LENG8: variants seen among roughly 807,000 people sequenced by gnomAD.
The protein encoded by LENG8 is leukocyte receptor cluster member 8, also known as leukocyte receptor cluster (LRC) member 8.
LENG8 carries 28 observed loss-of-function variants against 102.1 expected under a neutral mutation model. That is an observed-to-expected ratio of 0.27 (90% CI 0.20 to 0.38). LENG8 has a LOEUF of 0.38. Ranked by LOEUF, LENG8 falls within the 10% of genes least tolerant of loss-of-function variation. The pLI is 1.00. For synonymous variants in LENG8, 531 were observed against 456.7 expected (o/e 1.16, Z -2.07); for missense variants, 1,022 against 1,113.9 (o/e 0.92, Z 1.17).
In LENG8 at chr19:54,452,737, C is replaced by G; in HGVS notation, c.300C>G (p.Ser100Arg). ...YQQYNYAYPY[S>R]YYYPMSMYQS... ...AGTACAACTATGCCTACCCCTACAG[C>G]TACTACTATCCCATGGTGAGTGCCC... Residue 100 changes from serine to arginine, a missense_variant, in exon 4 of 16, where the codon AGC becomes AGG. This residue lies in a region of LENG8 where 343 missense variants were observed against 320.2 expected (regional missense o/e 1.07). Transcript: ENST00000326764. The G allele has an allele frequency of 6.2e-7, 1 of 1,612,526 alleles. No individual in the cohort carries two copies. Among genetic ancestry groups the G allele is most frequent in the Non-Finnish European group, 8.5e-7 (1 of 1,178,516 alleles).
chr19:54,453,790 G>C, intron 5 of LENG8, 134 bp downstream of exon 5: 1 of 653,448 alleles, frequency 1.5e-6, no homozygotes, highest in Non-Finnish European at 2.7e-6. Flanking sequence ...ATCTGAAAAT[G>C]AGGAGGACAG....
chr19:54,457,888 C>T (rs769584657), intron 12 of LENG8, 40 bp downstream of exon 12: 2 of 1,613,510 alleles, frequency 1.2e-6, no homozygotes, highest in Admixed American at 1.7e-5. Context: ...TCAGCCAGTC[C>T]TGCCTCCCGC....
chr19:54,459,116 T>C (rs1422749472), intron 15 of LENG8: 5 of 1,363,092 alleles, frequency 3.7e-6, no homozygotes, highest in Non-Finnish European at 4.7e-6. Flanking sequence ...GTTGCTTGAC[T>C]CATGTTTAGA....
Position 54,459,446 on chromosome 19 carries a change from G to T in LENG8, c.2240+925G>T, listed in dbSNP as rs181577097. 2.9e-4 allele frequency: 284 copies of T among 987,790 alleles called. 6 individuals are homozygous for T. The African/African-American group carries it at 4.7e-3, about 16-fold the overall frequency. The allele number at this position is 987,790 out of a possible 1,614,324, so 61.2% of individuals were successfully genotyped here. On this transcript the variant is annotated intron_variant, in intron 15 of 15. Coordinates refer to ENST00000326764, the MANE Select transcript of LENG8 (RefSeq NM_052925.4). ...GTGAGGTCATGGTCACAGCATGGGG[G>T]CCTTGAGTGCCTGGCCAGGTGGCCC...
intron 15 of LENG8, chr19:54,458,855 C>CCTG: frequency 6.4e-7 from 1 of 1,550,632 alleles, no homozygotes; most frequent in Non-Finnish European, 8.7e-7. Context: ...TGGGCTTCCT[C>CCTG]AGAACCCTGA....
intron 1 of LENG8, among the ~76,000 whole-genome samples, 176 bp from the exon 2 acceptor site, chr19:54,451,114 A>C (rs950210153): frequency 5.3e-5 from 8 of 150,990 alleles, no homozygotes; most frequent in African/African-American, 1.7e-4. Flanking sequence ...GCTTCCCCTC[A>C]CTCCAGCCTT....
chr19:54,455,066 CA>C lies in LENG8; in HGVS notation c.797del (p.Asn266ThrfsTer28), dbSNP rs2084156174. On this transcript the variant is annotated frameshift_variant, in exon 7 of 16. Transcript: ENST00000326764. LOFTEE classifies it high-confidence loss of function. ...AGCACAGTGGTTTTGGCCCCCAGCC[CA>C]ACCCTGAGAAAGTTCAGAACCACAG... is the stretch of plus-strand genomic sequence containing the variant. ...GQHSGFGPQPNPEKVQNHSGS... is the reference protein window; with the variant it reads ...GQHSGFGPQPXPEKVQNHSGS... 1 of 1,614,112 alleles carries C rather than the reference CA, an allele frequency of 6.2e-7. No homozygotes were observed. Among genetic ancestry groups the C allele is most frequent in the South Asian group, 1.1e-5 (1 of 91,092 alleles).
chr19:54,458,026 C>A, intron 13 of LENG8, 24 bp downstream of exon 13: 2 of 1,613,084 alleles, frequency 1.2e-6, no homozygotes, highest in Non-Finnish European at 1.7e-6. Flanking sequence ...TGCGGGCCTC[C>A]CCAGCCCCTT....
chr19:54,458,165 G>A lies in LENG8; in HGVS notation c.1965G>A (p.Leu655=). 6.2e-7 allele frequency: 1 copy of A among 1,614,200 alleles called. No homozygotes were observed. The highest frequency in any genetic ancestry group is 8.5e-7 in the Non-Finnish European group (1 of 1,180,044). ...TCAAGTCGCTGTACGCCGAGAACTT[G>A]CCTGGCAATGTGGGCGAGTTTACTG... ...TQLKSLYAEN[L]PGNVGEFTAY... is the part of the protein sequence containing the mutation. The change falls in exon 14 of 16, where the codon TTG becomes TTA. Residue 655 remains leucine, a synonymous_variant. Coordinates refer to ENST00000326764, the MANE Select transcript of LENG8 (RefSeq NM_052925.4).
intron 15 of LENG8, chr19:54,460,107 C>T (rs1366975804): frequency 7.8e-7 from 1 of 1,289,806 alleles, no homozygotes; most frequent in Admixed American, 2.3e-5. Context: ...GGGCTCTGAT[C>T]CCAGGGCTTC....
Position 54,451,311 on chromosome 19 carries a change from T to TCCCGAGGTCCACCCCTTATAC in LENG8, c.-30_-10dup, listed in dbSNP as rs1192178406. Reference sequence around the variant, plus strand: ...ATAGACAGTGAAAAAGCAGTCTGGCTCCCGAGGTCCACCCCTTATACCCCA... The same window carrying TCCCGAGGTCCACCCCTTATAC: ...ATAGACAGTGAAAAAGCAGTCTGGCTCCCGAGGTCCACCCCTTATACCCCGAGGTCCACCCCTTATACCCCA... On this transcript the variant is annotated 5_prime_UTR_variant, in exon 2 of 16. Coordinates refer to ENST00000326764, the MANE Select transcript of LENG8 (RefSeq NM_052925.4). The TCCCGAGGTCCACCCCTTATAC allele has an allele frequency of 6.2e-7, 1 of 1,613,402 alleles. No individual in the cohort carries two copies. Among genetic ancestry groups the TCCCGAGGTCCACCCCTTATAC allele is most frequent in the Non-Finnish European group, 8.5e-7 (1 of 1,179,334 alleles).
At chr19:54,451,672 A>G (rs1002600264) in intron 2 of LENG8, among the ~76,000 whole-genome samples, 6 of 152,210 alleles carry the variant, frequency 3.9e-5, no homozygotes, top group Admixed American at 2.0e-4. Context: ...CCAACACTCA[A>G]TACACAGTCA....
intron 3 of LENG8, 72 bp from the exon 4 acceptor site, chr19:54,452,579 A>G: frequency 8.0e-7 from 1 of 1,252,838 alleles, no homozygotes; most frequent in Non-Finnish European, 1.2e-6. Flanking sequence ...ACCAGTAAAC[A>G]GGCTTGCCCT....
intron 4 of LENG8, among the ~76,000 whole-genome samples, chr19:54,452,966 TCTC>T (rs1167415273): frequency 6.6e-6 from 1 of 152,242 alleles, no homozygotes; most frequent in African/African-American, 2.4e-5. Context: ...TGGTCCCTTC[TCTC>T]CTCATGCTCA....
At position 54,461,468 on chromosome 19, in the gene LENG8, C is replaced by T. The variant is rs932584725; in HGVS notation, c.*540C>T. ...GGAGCTGCTTAGAGACTGTGCCCGT[C>T]CTCGGCCCCCCACCCTGAAGTGCCA... is the stretch of plus-strand genomic sequence containing the variant. On this transcript the variant is annotated 3_prime_UTR_variant, in exon 16 of 16. Transcript: ENST00000326764. 6.5e-6 allele frequency: 3 copies of T among 462,114 alleles called. No homozygotes were observed. Among genetic ancestry groups the T allele is most frequent in the East Asian group, 7.0e-5 (1 of 14,388 alleles). 28.6% of individuals were successfully genotyped at this position (462,114 alleles called of 1,614,324 possible). A position where few individuals can be genotyped will look rare whatever the true frequency, so the allele number is the denominator to read the frequency against.
At position 54,461,708 on chromosome 19, in the gene LENG8, C is replaced by A. The variant is rs1400092691; in HGVS notation, c.*780C>A. ...AACGGTTCCCCTCCCTCCCTGCCTTCATGGATCACCAGCTCACGTCATGTT... is the reference window on the plus strand; with the variant it reads ...AACGGTTCCCCTCCCTCCCTGCCTTAATGGATCACCAGCTCACGTCATGTT... On this transcript the variant is annotated 3_prime_UTR_variant, in exon 16 of 16. Coordinates refer to ENST00000326764, the MANE Select transcript of LENG8 (RefSeq NM_052925.4). 6.1e-6 allele frequency: 3 copies of A among 493,118 alleles called. No individual in the cohort carries two copies. The highest frequency in any genetic ancestry group is 1.2e-5 in the Non-Finnish European group (3 of 242,638). 30.5% of individuals were successfully genotyped at this position (493,118 alleles called of 1,614,324 possible).
At position 54,456,167 on chromosome 19, in the gene LENG8, A is replaced by T; in HGVS notation, c.1226A>T (p.Lys409Met). 13 of 1,611,204 alleles carry T rather than the reference A, an allele frequency of 8.1e-6. No homozygotes were observed. The highest frequency in any genetic ancestry group is 1.1e-5 in the Non-Finnish European group (13 of 1,178,118). Residue 409 changes from lysine (K) to methionine (M), a missense_variant, in exon 9 of 16, where the codon AAG (lysine) becomes ATG (methionine). By Grantham distance (95) the Lys-to-Met change is moderately conservative. This residue lies in a region of LENG8 where 326 missense variants were observed against 324.5 expected (regional missense o/e 1.00). Transcript: ENST00000326764. The stretch of plus-strand genomic sequence containing the variant: ...TTTGGCAACCGCAACGTCTTCATGA[A>T]GGACAACAGCTCTTCTTCCAGCACA... ...TKFGNRNVFM[K>M]DNSSSSSTDS...
chr19:54,455,173 C>T, intron 7 of LENG8, 81 bp downstream of exon 7: 1 of 1,583,178 alleles, frequency 6.3e-7, no homozygotes, highest in Non-Finnish European at 8.7e-7. Context: ...GCCAGCTGCC[C>T]ACCCTGAGCC....
chr19:54,456,128 A>C lies in LENG8; in HGVS notation c.1187A>C (p.Asn396Thr), dbSNP rs980335470. 1 of 1,610,886 alleles carries C rather than the reference A, an allele frequency of 6.2e-7. No individual in the cohort carries two copies. The highest frequency in any genetic ancestry group is 8.5e-7 in the Non-Finnish European group (1 of 1,177,892). ...GGGGGTGCCGGTCGAGCCCGGGGCA[A>C]CAGCTTCACCAAGTTTGGCAACCGC... ...GAGGAGRARG[N>T]SFTKFGNRNV... Residue 396 changes from asparagine (N) to threonine (T), a missense_variant, in exon 9 of 16, where the codon AAC becomes ACC. Around this residue, in one of 7 missense-constraint regions of LENG8, gnomAD observed 326 missense variants for 324.5 expected, o/e 1.00. Coordinates refer to ENST00000326764, the MANE Select transcript of LENG8 (RefSeq NM_052925.4).
Sources: gnomAD v4.1 joint callset for allele counts (sites outside exome capture counted in the v4.1 genomes callset) on GRCh38, gnomAD v4.1.1 for gene constraint, gnomAD v4.1.1 regional missense constraint, MANE v1.5 for transcripts, NCBI Gene and HGNC (gene_info 2026-07-23, HGNC 2026-07-21) for gene names.